MYO3B: variants seen among roughly 807,000 people sequenced by gnomAD.
The protein encoded by MYO3B is myosin IIIB, also known as myosin-IIIb.
In MYO3B, 156 loss-of-function variants were observed where a neutral mutation model predicts 174.6. The ratio of observed to expected loss-of-function variants is 0.89; its 90% CI spans 0.78 to 1.02. The LOEUF is 1.02. Among genes scored for constraint, MYO3B ranks in the 50% least tolerant of loss-of-function variants. The probability of loss-of-function intolerance (pLI) is 0.00; values close to 1 mark genes in which losing one functional copy is unlikely to be tolerated. For synonymous variants in MYO3B, 563 were observed against 569.1 expected, an observed-to-expected ratio of 0.99 and a Z score of 0.15; for missense variants, 1,632 against 1,639.4, an observed-to-expected ratio of 1.00 and a Z score of 0.08.
intron 1 of MYO3B, among the ~76,000 whole-genome samples, chr2:170,193,105 T>A (rs2092559528): frequency 6.6e-6 from 1 of 151,986 alleles, no homozygotes; most frequent in African/African-American, 2.4e-5. Flanking sequence ...CAATGTCTTT[T>A]ACTATTATTG....
At chr2:170,601,139 T>A (rs1163286578) in intron 32 of MYO3B, among the ~76,000 whole-genome samples, 1 of 149,204 alleles carries the variant, frequency 6.7e-6, no homozygotes, top group Non-Finnish European at 1.5e-5. Flanking sequence ...TTCAGACCTA[T>A]GAAAACGACA....
At chr2:170,522,287 C>A (rs750094715) in intron 30 of MYO3B, among the ~76,000 whole-genome samples, 7 of 152,130 alleles carry the variant, frequency 4.6e-5, no homozygotes, top group African/African-American at 9.7e-5. Flanking sequence ...ACCAAGACTT[C>A]AACAGAAAAG....
intron 20 of MYO3B, among the ~76,000 whole-genome samples, chr2:170,404,661 T>G (rs1429230963): frequency 6.6e-6 from 1 of 152,184 alleles, no homozygotes; most frequent in Non-Finnish European, 1.5e-5. Context: ...ATTTCATTTT[T>G]ACACCTTCCT....
At chr2:170,540,017 G>A (rs1306082573) in intron 30 of MYO3B, among the ~76,000 whole-genome samples, 1 of 152,096 alleles carries the variant, frequency 6.6e-6, no homozygotes, top group African/African-American at 2.4e-5. Flanking sequence ...ACCAGCTGTG[G>A]TTTGAAGCAA....
chr2:170,423,038 A>G (rs10204091), intron 22 of MYO3B, among the ~76,000 whole-genome samples: 3,591 of 134,632 alleles, frequency 0.027, 132 homozygotes, highest in African/African-American at 0.095. Flanking sequence ...CTGGAATGCA[A>G]TGGCATGATC....
chr2:170,647,302 G>A (rs559616058), intron 32 of MYO3B, among the ~76,000 whole-genome samples: 1 of 152,260 alleles, frequency 6.6e-6, no homozygotes, highest in South Asian at 2.1e-4. Context: ...ATTGAAAACA[G>A]GGACTTTGTC....
At chr2:170,583,238 C>T (rs1417286206) in intron 32 of MYO3B, among the ~76,000 whole-genome samples, 5 of 152,052 alleles carry the variant, frequency 3.3e-5, no homozygotes, top group East Asian at 1.9e-4. Flanking sequence ...TGATCCCTAC[C>T]TAGGGTTGAT....
At chr2:170,198,588 A>G (rs2092626392) in intron 1 of MYO3B, among the ~76,000 whole-genome samples, 1 of 152,216 alleles carries the variant, frequency 6.6e-6, no homozygotes, top group Admixed American at 6.5e-5. Context: ...GGGCTGGGAC[A>G]TCAGCCATAT....
intron 7 of MYO3B, among the ~76,000 whole-genome samples, chr2:170,255,187 CT>C (rs2093293843): frequency 6.6e-6 from 1 of 152,194 alleles, no homozygotes. Flanking sequence ...GTGACCTAAC[CT>C]TTGGCTTGAG....
At chr2:170,508,621 G>A (rs1687769730) in intron 28 of MYO3B, among the ~76,000 whole-genome samples, 2 of 152,228 alleles carry the variant, frequency 1.3e-5, no homozygotes, top group Non-Finnish European at 2.9e-5. Flanking sequence ...GCCCTCTTCA[G>A]AGCCTTCACT....
chr2:170,569,482 T>TGAG (rs1319998490), intron 32 of MYO3B, among the ~76,000 whole-genome samples: 8 of 151,658 alleles, frequency 5.3e-5, no homozygotes, highest in Non-Finnish European at 1.0e-4. Context: ...TGGAATCTTG[T>TGAG]GAGAGGGAGA....
intron 22 of MYO3B, among the ~76,000 whole-genome samples, chr2:170,422,165 C>G (rs2094620755): frequency 1.3e-5 from 2 of 152,324 alleles, no homozygotes; most frequent in East Asian, 1.9e-4. Flanking sequence ...CCTAATATCT[C>G]TAGACCAGAT....
At chr2:170,613,371 G>T (rs1433860375) in intron 32 of MYO3B, among the ~76,000 whole-genome samples, 2 of 152,148 alleles carry the variant, frequency 1.3e-5, no homozygotes, top group Non-Finnish European at 2.9e-5. Context: ...GTTGAACTCT[G>T]ACGCACACCT....
At position 170,268,606 on chromosome 2, in the gene MYO3B, G is replaced by A. The variant is rs542351035; in HGVS notation, c.749+32470G>A. Among the ~76,000 whole-genome samples, 8 of 152,236 alleles carry A rather than the reference G, an allele frequency of 5.3e-5. No homozygotes were observed. In the South Asian group the frequency reaches 1.7e-3, roughly 32 times the overall value. ...AAACTTGGGGGCTAGAAGGGATGAG[G>A]AAATAAACTTTAAAATGCAAGTCAT... is the stretch of plus-strand genomic sequence containing the variant. On this transcript the variant is annotated intron_variant, in intron 7 of 34. Coordinates refer to ENST00000408978, the MANE Select transcript of MYO3B (RefSeq NM_138995.5).
intron 8 of MYO3B, chr2:170,349,889 G>A (rs1185823788): frequency 4.6e-5 from 7 of 151,834 alleles, no homozygotes; most frequent in African/African-American, 1.7e-4. Context: ...ATGATCTTTG[G>A]ACAGTCTCTC....
At chr2:170,464,145 A>C (rs1438222671) in intron 24 of MYO3B, among the ~76,000 whole-genome samples, 3 of 152,024 alleles carry the variant, frequency 2.0e-5, no homozygotes, top group Non-Finnish European at 4.4e-5. Context: ...TGAGGTCAAG[A>C]GTTAAGAGAC....
At chr2:170,383,559 C>A in intron 11 of MYO3B, 151 bp from the exon 12 acceptor site, 1 of 615,298 alleles carries the variant, frequency 1.6e-6, no homozygotes, top group Non-Finnish European at 2.9e-6. Flanking sequence ...GAAATTTGAA[C>A]TCAGTCCTGC....
chr2:170,429,637 GCTCTCTGGAA>G (rs1252717830), intron 22 of MYO3B, among the ~76,000 whole-genome samples: 3 of 152,152 alleles, frequency 2.0e-5, no homozygotes, highest in African/African-American at 4.8e-5. Flanking sequence ...TGTCTTACAA[GCTCTCTGGAA>G]CTCTCTGGAA....
In MYO3B at chr2:170,652,965, T is replaced by C; in HGVS notation, c.3888-18T>C. On this transcript the variant is annotated intron_variant, in intron 34 of 34. Coordinates refer to ENST00000408978, the MANE Select transcript of MYO3B (RefSeq NM_138995.5). The stretch of plus-strand genomic sequence containing the variant: ...GTTTTATTTTTTGTTGAAAATCCTG[T>C]TGTTTTCTTTGTTGCAGCCAAATCA... The C allele has an allele frequency of 6.2e-7, 1 of 1,612,568 alleles. No individual in the cohort carries two copies. The highest frequency in any genetic ancestry group is 8.5e-7 in the Non-Finnish European group (1 of 1,179,460).
Sources: gnomAD v4.1 joint callset for allele counts (sites outside exome capture counted in the v4.1 genomes callset) on GRCh38, gnomAD v4.1.1 for gene constraint, MANE v1.5 for transcripts, NCBI Gene and HGNC (gene_info 2026-07-23, HGNC 2026-07-21) for gene names.